Variants in DTNB observed in about 807,000 individuals in gnomAD.
The protein encoded by DTNB is DTN-B.
Under a neutral mutation model 90.7 loss-of-function variants are expected in DTNB, and 63 were observed. The observed-to-expected ratio is 0.69, with a 90% CI of 0.57 to 0.86. The LOEUF (loss-of-function observed/expected upper bound fraction) is 0.86. Ranked by LOEUF, DTNB falls within the 40% of genes least tolerant of loss-of-function variation. The probability of loss-of-function intolerance (pLI) is 0.00; values close to 1 mark genes in which losing one functional copy is unlikely to be tolerated. For missense variants in DTNB, 744 were observed against 807.1 expected (o/e 0.92, Z 0.95); for synonymous variants, 277 against 286.7 (o/e 0.97, Z 0.34).
At chr2:25,669,241 C>T (rs1321364026) in intron 1 of DTNB, among the ~76,000 whole-genome samples, 4 of 152,014 alleles carry the variant, frequency 2.6e-5, no homozygotes, top group Non-Finnish European at 4.4e-5. Context: ...CAGAACTGTA[C>T]ACTTACAATG....
At chr2:25,437,238 C>G (rs2056087993) in intron 12 of DTNB, among the ~76,000 whole-genome samples, 1 of 151,938 alleles carries the variant, frequency 6.6e-6, no homozygotes, top group Non-Finnish European at 1.5e-5. Context: ...CATCAAATAA[C>G]AGAAACTTAG....
intron 9 of DTNB, among the ~76,000 whole-genome samples, chr2:25,491,871 A>G (rs553066594): frequency 1.3e-5 from 2 of 152,150 alleles, no homozygotes; most frequent in East Asian, 1.9e-4. Context: ...AAGCCAATGA[A>G]GTAGATACCA....
At chr2:25,572,411 T>C (rs1437043849) in intron 8 of DTNB, among the ~76,000 whole-genome samples, 1 of 149,428 alleles carries the variant, frequency 6.7e-6, no homozygotes, top group South Asian at 2.1e-4. Context: ...AGCTTGCAGT[T>C]AGCCGAGATC....
intron 2 of DTNB, among the ~76,000 whole-genome samples, chr2:25,652,341 C>CA (rs1256821966): frequency 6.6e-6 from 1 of 152,074 alleles, no homozygotes; most frequent in African/African-American, 2.4e-5. Context: ...TGGCATGGTA[C>CA]AAAATCACAG....
chr2:25,400,074 A>G (rs2043342009), intron 16 of DTNB, among the ~76,000 whole-genome samples: 1 of 152,202 alleles, frequency 6.6e-6, no homozygotes, highest in African/African-American at 2.4e-5. Context: ...GATGATGCTG[A>G]TGAGGAGGTG....
intron 4 of DTNB, among the ~76,000 whole-genome samples, chr2:25,623,768 T>C (rs928987452): frequency 4.6e-5 from 7 of 151,678 alleles, no homozygotes; most frequent in Admixed American, 1.3e-4. Flanking sequence ...ACAAAGCAAA[T>C]AGGAAATAAA....
At position 25,672,139 on chromosome 2, in the gene DTNB, A is replaced by C. The variant is rs530139095; in HGVS notation, c.-2+1247T>G. Among the ~76,000 whole-genome samples, 11 of 142,886 alleles carry C rather than the reference A, an allele frequency of 7.7e-5. No individual in the cohort carries two copies. The East Asian group carries it at 2.3e-3, about 30-fold the overall frequency. The allele number at this position is 142,886 out of a possible 152,430, so 93.7% of individuals were successfully genotyped here. ...TGGTAGCATGGCCACAGAAACCAAGACCTCGCCGCCTTAGCCATTGCTTTA... is the reference window on the plus strand; with the variant it reads ...TGGTAGCATGGCCACAGAAACCAAGCCCTCGCCGCCTTAGCCATTGCTTTA... On this transcript the variant is annotated intron_variant, in intron 1 of 20. Transcript: ENST00000406818.
intron 4 of DTNB, among the ~76,000 whole-genome samples, chr2:25,608,601 G>A (rs2067675079): frequency 6.6e-6 from 1 of 152,198 alleles, no homozygotes; most frequent in Non-Finnish European, 1.5e-5. Context: ...CATTATGTAA[G>A]AAAAGCTAGT....
At chr2:25,395,414 CATA>C (rs764447311) in intron 16 of DTNB, among the ~76,000 whole-genome samples, 6 of 151,572 alleles carry the variant, frequency 4.0e-5, no homozygotes, top group South Asian at 2.1e-4. Flanking sequence ...TTATGTATCA[CATA>C]ATATGTATAC....
At chr2:25,670,646 G>A (rs1467343887) in intron 1 of DTNB, among the ~76,000 whole-genome samples, 1 of 152,162 alleles carries the variant, frequency 6.6e-6, no homozygotes, top group Non-Finnish European at 1.5e-5. Context: ...CTAAAGCTGG[G>A]CAGAATACAA....
At chr2:25,383,665 C>T in intron 19 of DTNB, 171 bp downstream of exon 19, 1 of 1,428,622 alleles carries the variant, frequency 7.0e-7, no homozygotes, top group Non-Finnish European at 9.3e-7. Flanking sequence ...ACCTTGTCAC[C>T]TGGAAGGTAA....
At chr2:25,447,301 C>T (rs1220153300) in intron 12 of DTNB, among the ~76,000 whole-genome samples, 1 of 152,180 alleles carries the variant, frequency 6.6e-6, no homozygotes, top group Non-Finnish European at 1.5e-5. Context: ...TTATACTGTG[C>T]TGCTTCTACC....
At chr2:25,417,385 A>C (rs527275057) in intron 16 of DTNB, among the ~76,000 whole-genome samples, 64 of 152,362 alleles carry the variant, frequency 4.2e-4, no homozygotes, top group African/African-American at 1.5e-3. Context: ...CTAGCTTTAA[A>C]TTGACCTGAG....
intron 9 of DTNB, among the ~76,000 whole-genome samples, chr2:25,529,787 C>T (rs1462398044): frequency 6.6e-6 from 1 of 152,180 alleles, no homozygotes; most frequent in Non-Finnish European, 1.5e-5. Context: ...ATGAAGGATA[C>T]TAACTGTAAA....
intron 9 of DTNB, among the ~76,000 whole-genome samples, chr2:25,494,908 G>GAAAA (rs755779063): frequency 1.5e-5 from 2 of 134,546 alleles, no homozygotes; most frequent in African/African-American, 5.5e-5. Context: ...ACTGTTGCCA[G>GAAAA]AAAAAAAAAA....
intron 9 of DTNB, among the ~76,000 whole-genome samples, chr2:25,516,420 TG>T (rs1348681841): frequency 6.6e-6 from 1 of 151,992 alleles, no homozygotes; most frequent in African/African-American, 2.4e-5. Context: ...CTAATTTTTT[TG>T]TATCTTTTTT....
chr2:25,425,715 T>C (rs2051330724), intron 15 of DTNB, among the ~76,000 whole-genome samples: 1 of 152,234 alleles, frequency 6.6e-6, no homozygotes. Flanking sequence ...CTCGATATCA[T>C]ACTACAAAAT....
At chr2:25,597,951 G>A (rs558754818) in intron 5 of DTNB, among the ~76,000 whole-genome samples, 116 of 152,286 alleles carry the variant, frequency 7.6e-4, no homozygotes, top group African/African-American at 2.5e-3. Context: ...TGTGCTAGGC[G>A]CCACTTCAGT....
intron 4 of DTNB, among the ~76,000 whole-genome samples, chr2:25,613,325 G>A (rs777550652): frequency 2.0e-5 from 3 of 152,062 alleles, no homozygotes; most frequent in Non-Finnish European, 2.9e-5. Flanking sequence ...GAGGTTTGGG[G>A]TATGAATAAT....
Sources: allele counts gnomAD v4.1 joint callset (sites outside exome capture counted in the v4.1 genomes callset), GRCh38; gene constraint gnomAD v4.1.1; transcripts MANE v1.5; gene names NCBI Gene and HGNC (gene_info 2026-07-23, HGNC 2026-07-21).